CHIC2: variants seen among roughly 807,000 people sequenced by gnomAD.
The protein encoded by CHIC2 is cysteine rich hydrophobic domain 2, also known as cysteine-rich hydrophobic domain-containing protein 2.
CHIC2 carries 14 observed loss-of-function variants against 25.9 expected under a neutral mutation model. The ratio of observed to expected loss-of-function variants is 0.54; its 90% CI spans 0.36 to 0.85. The LOEUF is 0.85. Ranked by LOEUF, CHIC2 falls within the 40% of genes least tolerant of loss-of-function variation. The pLI, the probability that CHIC2 is intolerant of heterozygous loss-of-function variation, is 0.01. For synonymous variants in CHIC2, 70 were observed against 72.0 expected, an observed-to-expected ratio of 0.97 and a Z score of 0.14; for missense variants, 146 against 202.0, an observed-to-expected ratio of 0.72 and a Z score of 1.68.
At chr4:54,033,342 T>A (rs775299540) in intron 3 of CHIC2, among the ~76,000 whole-genome samples, 3 of 152,220 alleles carry the variant, frequency 2.0e-5, no homozygotes, top group South Asian at 4.1e-4. Flanking sequence ...CATTTACATA[T>A]CTTTTTTGGT....
upstream of CHIC2, chr4:54,065,283 GA>G (rs1211006674): frequency 1.0e-6 from 1 of 972,976 alleles, no homozygotes; most frequent in Non-Finnish European, 1.2e-6. Context: ...GTCATGCTAT[GA>G]AAAAAAACTG....
At chr4:54,014,910 T>G (rs187865536) in intron 3 of CHIC2, among the ~76,000 whole-genome samples, 33 of 152,248 alleles carry the variant, frequency 2.2e-4, no homozygotes, top group African/African-American at 7.9e-4. Flanking sequence ...CAGGATCAAC[T>G]TGCAACTTGG....
upstream of CHIC2, among the ~76,000 whole-genome samples, chr4:54,066,313 C>T (rs1356692585): frequency 1.3e-5 from 2 of 152,088 alleles, no homozygotes; most frequent in Admixed American, 6.6e-5. Context: ...AGAAGAAGGC[C>T]CAGTACACAA....
chr4:54,039,217 A>AT (rs916096947), intron 3 of CHIC2, among the ~76,000 whole-genome samples: 3 of 151,492 alleles, frequency 2.0e-5, no homozygotes, highest in Admixed American at 6.6e-5. Flanking sequence ...AGTACAATCT[A>AT]TTTTTTTTTA....
chr4:54,072,243 A>G, the CHIC2 span, among the ~76,000 whole-genome samples: 1 of 151,910 alleles, frequency 6.6e-6, no homozygotes, highest in African/African-American at 2.4e-5. Context: ...GGGAGCTTGC[A>G]GTGAGCCGAG....
chr4:54,076,230 G>A, the CHIC2 span, among the ~76,000 whole-genome samples: 1 of 151,866 alleles, frequency 6.6e-6, no homozygotes, highest in Non-Finnish European at 1.5e-5. Flanking sequence ...AGACTACAGT[G>A]AGCCATGATC....
At chr4:54,023,171 C>T (rs1715952848) in intron 3 of CHIC2, among the ~76,000 whole-genome samples, 1 of 152,162 alleles carries the variant, frequency 6.6e-6, no homozygotes, top group African/African-American at 2.4e-5. Flanking sequence ...TCATTACACA[C>T]AGCCAAAGTA....
At chr4:54,066,255 CATTGGG>C (rs1385557584), upstream of CHIC2, among the ~76,000 whole-genome samples, 3 of 152,160 alleles carry the variant, frequency 2.0e-5, no homozygotes, top group Non-Finnish European at 4.4e-5. Flanking sequence ...GTACCTGCCC[CATTGGG>C]ATGCTCAGCA....
chr4:54,030,523 GAA>G (rs375404677), intron 3 of CHIC2, among the ~76,000 whole-genome samples: 41,702 of 114,982 alleles, frequency 0.36, 6,259 homozygotes, highest in Middle Eastern at 0.48. Flanking sequence ...TATCTCAAAA[GAA>G]AAAAAAAAAA....
At chr4:54,059,044 A>G (rs1399907272) in intron 1 of CHIC2, among the ~76,000 whole-genome samples, 1 of 152,174 alleles carries the variant, frequency 6.6e-6, no homozygotes, top group African/African-American at 2.4e-5. Flanking sequence ...AATACAGTAA[A>G]AACTTTGAAA....
rs187537439 is a variant in CHIC2, at chr4:54,043,193, G to A, written c.330+5762C>T. Among the ~76,000 whole-genome samples, 856 of 152,146 alleles carry A rather than the reference G, an allele frequency of 5.6e-3. 3 individuals carry two copies. The highest frequency in any genetic ancestry group is 8.6e-3 in the Admixed American group (131 of 15,284). On this transcript the variant is annotated intron_variant, in intron 3 of 5. Transcript: ENST00000263921. Reference sequence around the variant, plus strand: ...TCCCAGCACTTTGGGAGGCCGAGGCGGATGGATCACGAGGTCAGGAGATTG... The same window carrying A: ...TCCCAGCACTTTGGGAGGCCGAGGCAGATGGATCACGAGGTCAGGAGATTG...
At chr4:54,040,285 T>C (rs1716523744) in intron 3 of CHIC2, among the ~76,000 whole-genome samples, 1 of 152,150 alleles carries the variant, frequency 6.6e-6, no homozygotes, top group Non-Finnish European at 1.5e-5. Context: ...TAACAGAACA[T>C]GCTGGGCGCA....
At chr4:54,022,893 C>A (rs1715944756) in intron 3 of CHIC2, among the ~76,000 whole-genome samples, 1 of 152,148 alleles carries the variant, frequency 6.6e-6, no homozygotes, top group Admixed American at 6.5e-5. Context: ...ACAATTCCCC[C>A]ATTTTACCTT....
chr4:54,047,286 A>G (rs1213923215), intron 3 of CHIC2, among the ~76,000 whole-genome samples: 7 of 152,168 alleles, frequency 4.6e-5, no homozygotes, highest in Admixed American at 1.3e-4. Flanking sequence ...TGACCCAGCA[A>G]TCCCATTACT....
chr4:54,070,997 A>G, the CHIC2 span, among the ~76,000 whole-genome samples: 3 of 152,092 alleles, frequency 2.0e-5, no homozygotes, highest in Non-Finnish European at 2.9e-5. Flanking sequence ...AGAAAATAGC[A>G]CTTCTGCTCC....
At chr4:54,084,709 G>A in the CHIC2 span, among the ~76,000 whole-genome samples, 2 of 152,070 alleles carry the variant, frequency 1.3e-5, no homozygotes, top group East Asian at 3.9e-4. Flanking sequence ...GGAGGCCAGG[G>A]CAGACAGGTC....
the CHIC2 span, chr4:54,076,966 A>C: frequency 2.2e-5 from 3 of 138,990 alleles, no homozygotes; most frequent in Admixed American, 6.8e-5. Context: ...CTGATAAATA[A>C]ACAATTAAAA....
upstream of CHIC2, chr4:54,065,223 G>T: frequency 1.5e-6 from 1 of 674,294 alleles, no homozygotes; most frequent in Middle Eastern, 7.5e-4. Flanking sequence ...AATATATGAG[G>T]CCAGCGATGC....
upstream of CHIC2, chr4:54,064,648 C>A: frequency 2.8e-6 from 3 of 1,063,398 alleles, no homozygotes; most frequent in South Asian, 8.0e-5. This position sits in a 1 kb window ranked among gnomAD's most constrained non-coding sequence, Gnocchi z 4.2. Context: ...CAGCCGGCTA[C>A]GGCATCGCGA....
Sources: allele counts gnomAD v4.1 joint callset (sites outside exome capture counted in the v4.1 genomes callset), GRCh38; gene constraint gnomAD v4.1.1; non-coding constraint Gnocchi (gnomAD v3.1); transcripts MANE v1.5; gene names NCBI Gene and HGNC (gene_info 2026-07-23, HGNC 2026-07-21).